FRMD3: variants seen among roughly 807,000 people sequenced by gnomAD.
FRMD3 encodes the protein FERM domain-containing protein 3.
Under a neutral mutation model 70.2 loss-of-function variants are expected in FRMD3, and 33 were observed. The ratio of observed to expected loss-of-function variants is 0.47; its 90% CI spans 0.36 to 0.63. FRMD3 has a LOEUF of 0.63. Ranked by LOEUF, FRMD3 falls within the 20% of genes least tolerant of loss-of-function variation. The probability of loss-of-function intolerance (pLI) is 0.00; values close to 1 mark genes in which losing one functional copy is unlikely to be tolerated. For synonymous variants in FRMD3, 279 were observed against 255.9 expected, an observed-to-expected ratio of 1.09 and a Z score of -0.86; for missense variants, 632 against 711.4, an observed-to-expected ratio of 0.89 and a Z score of 1.27.
intron 3 of FRMD3, among the ~76,000 whole-genome samples, chr9:83,360,521 C>T (rs1351883599): frequency 1.3e-5 from 2 of 151,942 alleles, no homozygotes; most frequent in Middle Eastern, 3.2e-3. Flanking sequence ...AGTTTTGAGT[C>T]GTGTGGGCCC....
chr9:83,323,199 T>G (rs1835869362), intron 6 of FRMD3, among the ~76,000 whole-genome samples: 1 of 152,248 alleles, frequency 6.6e-6, no homozygotes, highest in African/African-American at 2.4e-5. Context: ...CAGAAATTAG[T>G]GCATGTTGCA....
At chr9:83,566,312 C>A in the FRMD3 span, among the ~76,000 whole-genome samples, 1 of 152,128 alleles carries the variant, frequency 6.6e-6, no homozygotes, top group Admixed American at 6.5e-5. Flanking sequence ...GCCCATGGTT[C>A]AATTACCTTC....
rs549722959 is a variant in FRMD3 at position 83,291,858 on chromosome 9, C to T, written c.1071-1131G>A. 7.2e-5 allele frequency among the ~76,000 whole-genome samples: 11 copies of T among 152,330 alleles called. No individual in the cohort carries two copies. In the South Asian group the frequency reaches 2.1e-3, roughly 29 times the overall value. On this transcript the variant is annotated intron_variant, in intron 12 of 13. Transcript: ENST00000304195. The stretch of plus-strand genomic sequence containing the variant: ...AGTGTTCCCTAGACCGGCTGCAGGA[C>T]TACCTTCTAGCCTGAGTGTTTCTGT...
rs1829360826 is a variant in FRMD3, at chr9:83,512,525, C to A, written c.147+25560G>T. On this transcript the variant is annotated intron_variant, in intron 1 of 13. Transcript: ENST00000304195. Reference sequence around the variant, plus strand: ...TTTAGTTAATGGTTACTGGCTGATCCATCCACTGATCGCAGAACCTTTCTA... The same window carrying A: ...TTTAGTTAATGGTTACTGGCTGATCAATCCACTGATCGCAGAACCTTTCTA... Among the ~76,000 whole-genome samples the A allele has an allele frequency of 2.0e-5, 3 of 152,200 alleles. No individual in the cohort carries two copies. The East Asian group carries it at 5.8e-4, about 29-fold the overall frequency.
chr9:83,346,905 T>C (rs537132794), intron 4 of FRMD3, among the ~76,000 whole-genome samples: 1 of 152,278 alleles, frequency 6.6e-6, no homozygotes, highest in South Asian at 2.1e-4. Context: ...GGCCCAAGAC[T>C]ATTCAGAATA....
chr9:83,495,809 T>C (rs1288157392), intron 1 of FRMD3, among the ~76,000 whole-genome samples: 7 of 152,252 alleles, frequency 4.6e-5, no homozygotes, highest in African/African-American at 1.7e-4. Context: ...AACACAGAGA[T>C]GGATGCATGC....
chr9:83,411,575 A>G (rs912117761), intron 1 of FRMD3, among the ~76,000 whole-genome samples: 5 of 152,220 alleles, frequency 3.3e-5, no homozygotes, highest in African/African-American at 1.2e-4. Flanking sequence ...TTGTAAAACT[A>G]GAGTGTCTAA....
At position 83,537,099 on chromosome 9, in the gene FRMD3, C is replaced by T. The variant is rs1362368472; in HGVS notation, c.147+986G>A. On this transcript the variant is annotated intron_variant, in intron 1 of 13. Coordinates refer to ENST00000304195, the MANE Select transcript of FRMD3 (RefSeq NM_174938.6). This position sits in a 1 kb window ranked among gnomAD's most constrained non-coding sequence, Gnocchi z 4.1. ...CTGATTGTGTGCGCACCGAGTGGGGCATCTTTGGGGTCCTGGAAGAGGGGC... is the reference window on the plus strand; with the variant it reads ...CTGATTGTGTGCGCACCGAGTGGGGTATCTTTGGGGTCCTGGAAGAGGGGC... 6.6e-6 allele frequency among the ~76,000 whole-genome samples: 1 copy of T among 152,070 alleles called. No homozygotes were observed. The highest frequency in any genetic ancestry group is 1.5e-5 in the Non-Finnish European group (1 of 68,018).
intron 1 of FRMD3, among the ~76,000 whole-genome samples, chr9:83,452,051 G>A (rs1827673710): frequency 6.6e-6 from 1 of 152,208 alleles, no homozygotes; most frequent in South Asian, 2.1e-4. Context: ...GAGACTGGCA[G>A]GCTATCAATC....
chr9:83,481,529 T>C (rs1395391860), intron 1 of FRMD3, among the ~76,000 whole-genome samples: 1 of 152,138 alleles, frequency 6.6e-6, no homozygotes, highest in Non-Finnish European at 1.5e-5. Context: ...TAACATATGA[T>C]CATATAAACT....
At chr9:83,449,996 C>T (rs982046362) in intron 1 of FRMD3, among the ~76,000 whole-genome samples, 8 of 152,132 alleles carry the variant, frequency 5.3e-5, no homozygotes, top group African/African-American at 1.9e-4. Context: ...AAGGCAAAGC[C>T]ATAATCTGTT....
the FRMD3 span, among the ~76,000 whole-genome samples, chr9:83,571,972 T>C: frequency 2.6e-5 from 4 of 152,316 alleles, no homozygotes; most frequent in African/African-American, 9.6e-5. Context: ...ACACCCAGAA[T>C]TTTTGATTCA....
intron 1 of FRMD3, among the ~76,000 whole-genome samples, chr9:83,517,284 G>A (rs1340400328): frequency 6.6e-6 from 1 of 152,010 alleles, no homozygotes. Context: ...AAGTGATATA[G>A]GGAAGATCAC....
At chr9:83,467,818 C>A in intron 1 of FRMD3, 3 of 1,385,380 alleles carry the variant, frequency 2.2e-6, no homozygotes, top group Middle Eastern at 1.9e-4. Context: ...GATCCTATTT[C>A]CTAATTTCTG....
At position 83,354,146 on chromosome 9, in the gene FRMD3, G is replaced by A. The variant is rs184207638; in HGVS notation, c.296-4389C>T. 5.6e-4 allele frequency among the ~76,000 whole-genome samples: 85 copies of A among 152,216 alleles called. 2 individuals carry two copies. The East Asian group carries it at 0.015, about 27-fold the overall frequency. On this transcript the variant is annotated intron_variant, in intron 3 of 13. Coordinates refer to ENST00000304195, the MANE Select transcript of FRMD3 (RefSeq NM_174938.6). ...TCACCACGTTGGCCAGGCTGGTCTCGAACTCCTGACCTCAGGTGATCCACC... is the reference window on the plus strand; with the variant it reads ...TCACCACGTTGGCCAGGCTGGTCTCAAACTCCTGACCTCAGGTGATCCACC...
chr9:83,452,916 G>A (rs1309417585), intron 1 of FRMD3, among the ~76,000 whole-genome samples: 1 of 138,942 alleles, frequency 7.2e-6, no homozygotes, highest in Non-Finnish European at 1.5e-5. Context: ...GTGCAGTGGT[G>A]CAATCTCGGC....
chr9:83,312,522 T>G (rs1835400519), intron 7 of FRMD3, among the ~76,000 whole-genome samples: 1 of 152,090 alleles, frequency 6.6e-6, no homozygotes, highest in Admixed American at 6.6e-5. Flanking sequence ...ATCAAGTCAG[T>G]CTCCAAGAAA....
intron 1 of FRMD3, among the ~76,000 whole-genome samples, chr9:83,526,151 T>C (rs1829680009): frequency 6.6e-6 from 1 of 152,184 alleles, no homozygotes; most frequent in South Asian, 2.1e-4. Context: ...CTAGTCTATC[T>C]CCTCAGTGTC....
chr9:83,466,215 A>G (rs1828123037), intron 1 of FRMD3, among the ~76,000 whole-genome samples: 1 of 152,200 alleles, frequency 6.6e-6, no homozygotes, highest in Non-Finnish European at 1.5e-5. Context: ...CCCCGAGGGA[A>G]GCAGAACTCC....
Sources: gnomAD v4.1 joint callset for allele counts (sites outside exome capture counted in the v4.1 genomes callset) on GRCh38, gnomAD v4.1.1 for gene constraint, Gnocchi (gnomAD v3.1) non-coding constraint, MANE v1.5 for transcripts, NCBI Gene and HGNC (gene_info 2026-07-23, HGNC 2026-07-21) for gene names.